Variants in HDAC9 observed in about 807,000 individuals in gnomAD.
The protein encoded by HDAC9 is MEF-2 interacting transcription repressor (MITR) protein.
HDAC9 carries 41 observed loss-of-function variants against 139.4 expected under a neutral mutation model. That is an observed-to-expected ratio of 0.29 (90% CI 0.23 to 0.38). The LOEUF (loss-of-function observed/expected upper bound fraction) is 0.38, where lower values mean the gene tolerates loss of function less well. HDAC9 is among the 10% of genes least tolerant of loss of function. HDAC9 has a pLI of 1.00. For synonymous variants in HDAC9, 517 were observed against 476.2 expected (o/e 1.09, Z -1.12); for missense variants, 1,147 against 1,297.0 (o/e 0.88, Z 1.78).
At chr7:18,641,513 A>T (rs1405560467) in intron 8 of HDAC9, among the ~76,000 whole-genome samples, 3 of 152,090 alleles carry the variant, frequency 2.0e-5, no homozygotes, top group African/African-American at 7.2e-5. Flanking sequence ...GTTACCCGTT[A>T]ATTGTTTTGT....
At chr7:18,978,885 G>C (rs2129339827) in intron 25 of HDAC9, among the ~76,000 whole-genome samples, 1 of 152,210 alleles carries the variant, frequency 6.6e-6, no homozygotes, top group Non-Finnish European at 1.5e-5. Context: ...ATGATCAACT[G>C]TTAGGTTTTT....
chr7:18,698,915 A>G (rs995640172), intron 12 of HDAC9, among the ~76,000 whole-genome samples: 5 of 152,252 alleles, frequency 3.3e-5, no homozygotes, highest in African/African-American at 1.2e-4. Flanking sequence ...TGTTCTAAGC[A>G]TGAAAGGTTA....
chr7:18,848,356 A>G (rs1011425355), intron 21 of HDAC9, among the ~76,000 whole-genome samples: 1 of 152,076 alleles, frequency 6.6e-6, no homozygotes, highest in Non-Finnish European at 1.5e-5. Context: ...CAAAACATGT[A>G]TGTTGAACCC....
intron 1 of HDAC9, among the ~76,000 whole-genome samples, chr7:18,488,836 T>C (rs1461440517): frequency 6.6e-6 from 1 of 152,024 alleles, no homozygotes; most frequent in African/African-American, 2.4e-5. Context: ...TCATTTATGC[T>C]ACAGTCTGAT....
intron 12 of HDAC9, among the ~76,000 whole-genome samples, chr7:18,671,111 A>G (rs1324897575): frequency 6.6e-6 from 1 of 151,986 alleles, no homozygotes; most frequent in Non-Finnish European, 1.5e-5. Flanking sequence ...AACGCAAAGA[A>G]AGTCCAGTTT....
chr7:18,474,769 G>A lies in HDAC9; in HGVS notation c.-41-21493G>A, dbSNP rs117253467. Among the ~76,000 whole-genome samples, 141 of 152,046 alleles carry A rather than the reference G, an allele frequency of 9.3e-4. 1 individual carries two copies. The highest frequency in any genetic ancestry group is 5.8e-3 in the Admixed American group (88 of 15,250). On this transcript the variant is annotated intron_variant, in intron 1 of 3. Coordinates refer to the HDAC9 transcript ENST00000413509. ...AGTGAAATTTAAAACCGTCTCCATA[G>A]CAAGAATCTGGAAAATCTAGAGGAG...
intron 17 of HDAC9, among the ~76,000 whole-genome samples, chr7:18,813,409 A>G (rs781194124): frequency 2.0e-5 from 3 of 152,102 alleles, no homozygotes; most frequent in Non-Finnish European, 4.4e-5. Flanking sequence ...CTTCCTAGTC[A>G]GGTGTGGATC....
At chr7:18,833,595 G>A (rs1283416019) in intron 19 of HDAC9, among the ~76,000 whole-genome samples, 2 of 152,234 alleles carry the variant, frequency 1.3e-5, no homozygotes, top group African/African-American at 2.4e-5. Flanking sequence ...CAGGAAAATA[G>A]TTTTTTTGTC....
chr7:18,475,123 CAG>C (rs1762693262), intron 1 of HDAC9, among the ~76,000 whole-genome samples: 1 of 152,168 alleles, frequency 6.6e-6, no homozygotes, highest in Non-Finnish European at 1.5e-5. Context: ...CTTTGCCTAA[CAG>C]AGCTCGGAAG....
chr7:18,312,750 G>A (rs898622518), intron 1 of HDAC9, among the ~76,000 whole-genome samples: 2 of 152,074 alleles, frequency 1.3e-5, no homozygotes, highest in African/African-American at 2.4e-5. Flanking sequence ...TTCTTAGATG[G>A]CTATTTTTAG....
intron 2 of HDAC9, among the ~76,000 whole-genome samples, chr7:18,189,957 G>C (rs1179887966): frequency 6.6e-6 from 1 of 151,916 alleles, no homozygotes; most frequent in Non-Finnish European, 1.5e-5. Context: ...GTGTACGTTT[G>C]AGACAGAGTT....
chr7:18,994,310 A>G (rs1326478338), intron 25 of HDAC9, among the ~76,000 whole-genome samples: 1 of 152,246 alleles, frequency 6.6e-6, no homozygotes, highest in African/African-American at 2.4e-5. Flanking sequence ...ACATATTCTC[A>G]GATGTAAATA....
chr7:18,930,564 A>G (rs1804650830), intron 22 of HDAC9, among the ~76,000 whole-genome samples: 1 of 152,124 alleles, frequency 6.6e-6, no homozygotes, highest in Non-Finnish European at 1.5e-5. Context: ...GGCATTTTTA[A>G]TGTTTCTAAT....
At chr7:18,311,093 G>GATGATGA (rs35111689) in intron 1 of HDAC9, among the ~76,000 whole-genome samples, 4 of 151,038 alleles carry the variant, frequency 2.6e-5, no homozygotes, top group Admixed American at 6.6e-5. Context: ...CTGGAGAGAG[G>GATGATGA]TGATGATGAT....
intron 2 of HDAC9, among the ~76,000 whole-genome samples, chr7:18,565,653 G>A (rs921042583): frequency 6.6e-6 from 1 of 152,070 alleles, no homozygotes; most frequent in Non-Finnish European, 1.5e-5. Flanking sequence ...AGAAAAAAAA[G>A]GGTGGGGAAT....
chr7:18,443,436 A>T (rs1464247617), intron 1 of HDAC9, among the ~76,000 whole-genome samples: 2 of 152,192 alleles, frequency 1.3e-5, no homozygotes, highest in African/African-American at 4.8e-5. Flanking sequence ...ACACACATGC[A>T]CCTCATAAAA....
At chr7:18,667,430 A>G (rs1345874388) in intron 12 of HDAC9, 1 of 984,324 alleles carries the variant, frequency 1.0e-6, no homozygotes, top group Non-Finnish European at 1.2e-6. Flanking sequence ...TGACATGGGC[A>G]TATACCGTAA....
intron 1 of HDAC9, among the ~76,000 whole-genome samples, chr7:18,146,293 T>C (rs1786318542): frequency 6.6e-6 from 1 of 152,176 alleles, no homozygotes; most frequent in Non-Finnish European, 1.5e-5. Flanking sequence ...TGAATAGTAT[T>C]CTATAAATGA....
intron 2 of HDAC9, among the ~76,000 whole-genome samples, chr7:18,259,084 C>T (rs1795474360): frequency 6.6e-6 from 1 of 151,174 alleles, no homozygotes; most frequent in Non-Finnish European, 1.5e-5. Flanking sequence ...CTTCTCCTGC[C>T]TCAGCCTCCC....
Sources: allele counts gnomAD v4.1 joint callset (sites outside exome capture counted in the v4.1 genomes callset), GRCh38; gene constraint gnomAD v4.1.1; transcripts MANE v1.5; gene names NCBI Gene and HGNC (gene_info 2026-07-23, HGNC 2026-07-21).